Variants in ANLN observed in about 807,000 individuals in gnomAD.
The protein encoded by ANLN is anillin.
A neutral mutation model predicts 135.1 loss-of-function variants in ANLN; 59 were observed. The observed-to-expected ratio is 0.44, with a 90% CI of 0.35 to 0.54. The LOEUF is 0.54. ANLN is among the 20% of genes least tolerant of loss of function. ANLN has a pLI of 0.00. For missense variants in ANLN, 1,182 were observed against 1,340.0 expected (o/e 0.88, Z 1.84); for synonymous variants, 406 against 456.4 (o/e 0.89, Z 1.41).
At chr7:36,417,735 T>C (rs1787706167) in intron 9 of ANLN, among the ~76,000 whole-genome samples, 1 of 143,818 alleles carries the variant, frequency 7.0e-6, no homozygotes, top group African/African-American at 2.6e-5. Context: ...TAGAGTGCAG[T>C]GGCACGATCT....
At chr7:36,433,791 T>C (rs1373371576) in intron 20 of ANLN, among the ~76,000 whole-genome samples, 3 of 152,154 alleles carry the variant, frequency 2.0e-5, no homozygotes, top group South Asian at 2.1e-4. Flanking sequence ...TTTTTCTTGA[T>C]GTGATCTAGG....
Position 36,419,252 on chromosome 7 carries a change from C to A in ANLN, c.1642C>A (p.Arg548Ser). 1 of 1,610,642 alleles carries A rather than the reference C, an allele frequency of 6.2e-7. No homozygotes were observed. The highest frequency in any genetic ancestry group is 8.5e-7 in the Non-Finnish European group (1 of 1,177,504). Reference sequence around the variant, plus strand: ...ATTGAAATATTTTTCAGAAGTGATACGTGAAATTGAGATGAGTGTGGATGA... The same window carrying A: ...ATTGAAATATTTTTCAGAAGTGATAAGTGAAATTGAGATGAGTGTGGATGA... ...PKVEQKIEVI[R>S]EIEMSVDDDD... The change falls in exon 10 of 24, where the codon CGT becomes AGT. Residue 548 changes from arginine to serine, a missense_variant. Around this residue, in one of 3 missense-constraint regions of ANLN, gnomAD observed 1,022 missense variants for 1,134.0 expected, o/e 0.90. Coordinates refer to ENST00000265748, the MANE Select transcript of ANLN (RefSeq NM_018685.5).
intron 10 of ANLN, among the ~76,000 whole-genome samples, chr7:36,419,740 T>G (rs544066870): frequency 6.6e-6 from 1 of 152,366 alleles, no homozygotes; most frequent in Admixed American, 6.5e-5. Context: ...TGACTGTTTA[T>G]TGGTCAGGTT....
At chr7:36,415,288 A>G (rs1193586574) in intron 7 of ANLN, among the ~76,000 whole-genome samples, 5 of 152,276 alleles carry the variant, frequency 3.3e-5, no homozygotes, top group Non-Finnish European at 7.4e-5. Flanking sequence ...CTGATAATTA[A>G]ATGGAATCCT....
At chr7:36,426,102 CAT>C in intron 19 of ANLN, 66 bp downstream of exon 19, 1 of 1,151,120 alleles carries the variant, frequency 8.7e-7, no homozygotes, top group Non-Finnish European at 1.2e-6. Flanking sequence ...TGCATATTTA[CAT>C]ATATATAGGC....
At chr7:36,396,059 A>G (rs1456627412) in intron 1 of ANLN, among the ~76,000 whole-genome samples, 1 of 152,170 alleles carries the variant, frequency 6.6e-6, no homozygotes. Flanking sequence ...CTAACTTTAC[A>G]TATTTTATTC....
At position 36,399,359 on chromosome 7, in the gene ANLN, G is replaced by A; in HGVS notation, c.453G>A (p.Glu151=). The stretch of plus-strand genomic sequence containing the variant: ...AAACACGTATGCAAAAACTTGCAGA[G>A]CAACGGCGCCGTTGGGATAATGATG... The part of the protein sequence containing the change: ...SVKTRMQKLA[E]QRRRWDNDDM... The change falls in exon 3 of 24, where the codon GAG becomes GAA. Residue 151 remains glutamate (E), a synonymous_variant. Coordinates refer to ENST00000265748, the MANE Select transcript of ANLN (RefSeq NM_018685.5). 6.2e-7 allele frequency: 1 copy of A among 1,613,202 alleles called. No homozygotes were observed.
At chr7:36,425,862 G>T in intron 18 of ANLN, 122 bp downstream of exon 18, 2 of 1,149,474 alleles carry the variant, frequency 1.7e-6, no homozygotes. Flanking sequence ...ATGTACTAAT[G>T]GGGGGATATC....
At chr7:36,429,626 C>T (rs1386410397) in intron 20 of ANLN, among the ~76,000 whole-genome samples, 5 of 152,016 alleles carry the variant, frequency 3.3e-5, no homozygotes, top group Admixed American at 6.6e-5. Context: ...ATTTTAAATT[C>T]TTAAAATAGG....
chr7:36,444,321 T>G lies in ANLN; in HGVS notation c.3078+459T>G, dbSNP rs10278861. On this transcript the variant is annotated intron_variant, in intron 22 of 23. Coordinates refer to ENST00000265748, the MANE Select transcript of ANLN (RefSeq NM_018685.5). ...AAAAAAAAAATGTTTTTGTTGTAGG[T>G]GTGTGTGTGTGTGTGTGATAATCCT... 5.7e-3 allele frequency among the ~76,000 whole-genome samples: 853 copies of G among 149,660 alleles called. 6 individuals are homozygous for G. Among genetic ancestry groups the G allele is most frequent in the African/African-American group, 0.02 (820 of 40,768 alleles).
chr7:36,444,717 T>C (rs1158034234), intron 22 of ANLN, among the ~76,000 whole-genome samples: 1 of 152,066 alleles, frequency 6.6e-6, no homozygotes. Context: ...CTATTGTTCA[T>C]ATTTTGGTTA....
Position 36,420,245 on chromosome 7 carries a change from A to C in ANLN, c.1946A>C (p.Gln649Pro). ...SDESPKPGKF[Q>P]RTRVPRAESG... The stretch of plus-strand genomic sequence containing the variant: ...GAAAGTCCAAAACCAGGAAAATTCC[A>C]AAGAACTCGTGTCCCTCGAGCTGAA... Residue 649 changes from glutamine to proline, a missense_variant, in exon 11 of 24, where the codon CAA (glutamine) becomes CCA (proline). This residue lies in a region of ANLN where 1,022 missense variants were observed against 1,134.0 expected (regional missense o/e 0.90). Transcript: ENST00000265748. 6.2e-7 allele frequency: 1 copy of C among 1,614,138 alleles called. No individual in the cohort carries two copies. The highest frequency in any genetic ancestry group is 8.5e-7 in the Non-Finnish European group (1 of 1,179,994).
chr7:36,396,219 C>T (rs778849303), intron 1 of ANLN, 47 bp from the exon 2 acceptor site: 59 of 1,491,822 alleles, frequency 4.0e-5, no homozygotes, highest in Non-Finnish European at 5.2e-5. Context: ...ATTTTATGAA[C>T]CTTTGATTAA....
At chr7:36,426,590 T>A (rs185565534) in intron 19 of ANLN, among the ~76,000 whole-genome samples, 8 of 152,306 alleles carry the variant, frequency 5.3e-5, no homozygotes, top group African/African-American at 1.9e-4. Flanking sequence ...ACAGAGATAG[T>A]TTCTGCTGCT....
At chr7:36,437,017 T>C (rs1788575925) in intron 20 of ANLN, among the ~76,000 whole-genome samples, 1 of 152,206 alleles carries the variant, frequency 6.6e-6, no homozygotes, top group Admixed American at 6.5e-5. Context: ...TATTTATCTT[T>C]TGAAGAAATT....
rs540333901 is a variant in ANLN at position 36,409,733 on chromosome 7, G to A, written c.1097-781G>A. Among the ~76,000 whole-genome samples the A allele has an allele frequency of 3.9e-4, 59 of 152,168 alleles. No homozygotes were observed. In the South Asian group the frequency reaches 4.6e-3, roughly 12 times the overall value. The stretch of plus-strand genomic sequence containing the variant: ...CACCCAGGATGGAGTGCAGTGAGTG[G>A]CATGATCTCAGCTTACTGCAGCCTC... On this transcript the variant is annotated intron_variant, in intron 5 of 23. Transcript: ENST00000265748.
At position 36,419,231 on chromosome 7, in the gene ANLN, A is replaced by T; in HGVS notation, c.1634-13A>T. ...TCTGAGTCACAGTGTCCACCTATTG[A>T]AATATTTTTCAGAAGTGATACGTGA... On this transcript the variant is annotated splice_polypyrimidine_tract_variant and intron_variant, in intron 9 of 23. Transcript: ENST00000265748. 1 of 1,589,458 alleles carries T rather than the reference A, an allele frequency of 6.3e-7. No individual in the cohort carries two copies. The highest frequency in any genetic ancestry group is 8.6e-7 in the Non-Finnish European group (1 of 1,158,148).
rs907375998 is a variant in ANLN at position 36,424,014 on chromosome 7, T to G, written c.2603+71T>G. On this transcript the variant is annotated intron_variant, in intron 15 of 23. Coordinates refer to ENST00000265748, the MANE Select transcript of ANLN (RefSeq NM_018685.5). ...GTAGAGTTGATACAGTCTAAAGCAT[T>G]CAGGTGGCATTTATAATCTTTGAAA... 4.8e-6 allele frequency: 7 copies of G among 1,459,402 alleles called. No individual in the cohort carries two copies. The Admixed American group carries it at 1.6e-4, about 33-fold the overall frequency. 90.4% of individuals were successfully genotyped at this position (1,459,402 alleles called of 1,614,324 possible). A position where few individuals can be genotyped will look rare whatever the true frequency, so the allele number is the denominator to read the frequency against.
At chr7:36,390,090 GC>G in intron 1 of ANLN, 46 bp downstream of exon 1, 1 of 1,612,466 alleles carries the variant, frequency 6.2e-7, no homozygotes, top group Non-Finnish European at 8.5e-7. Flanking sequence ...ACCGCTCTAG[GC>G]CCCCACCCAC....
Sources: gnomAD v4.1 joint callset for allele counts (sites outside exome capture counted in the v4.1 genomes callset) on GRCh38, gnomAD v4.1.1 for gene constraint, gnomAD v4.1.1 regional missense constraint, MANE v1.5 for transcripts, NCBI Gene and HGNC (gene_info 2026-07-23, HGNC 2026-07-21) for gene names.